Variants in FKBP5 observed in about 807,000 individuals in gnomAD.
FKBP5 encodes peptidyl-prolyl cis-trans isomerase FKBP5.
In FKBP5, 23 loss-of-function variants were observed where a neutral mutation model predicts 50.5. That is an observed-to-expected ratio of 0.46 (90% CI 0.33 to 0.65). The LOEUF is 0.65. FKBP5 is among the 30% of genes least tolerant of loss of function. The pLI, the probability that FKBP5 is intolerant of heterozygous loss-of-function variation, is 0.02. For missense variants in FKBP5, 411 were observed against 553.1 expected (o/e 0.74, Z 2.58); for synonymous variants, 176 against 190.6 (o/e 0.92, Z 0.63).
chr6:35,693,372 C>T (rs1300019583), upstream of FKBP5, among the ~76,000 whole-genome samples: 1 of 151,602 alleles, frequency 6.6e-6, no homozygotes, highest in Non-Finnish European at 1.5e-5. Flanking sequence ...ACCATGTTAG[C>T]CAGGATGGTC....
intron 5 of FKBP5, among the ~76,000 whole-genome samples, chr6:35,601,845 A>G (rs751888636): frequency 7.2e-5 from 11 of 152,114 alleles, no homozygotes; most frequent in Non-Finnish European, 1.5e-4. Flanking sequence ...TTTGGTAGAG[A>G]AAGAAATAAA....
chr6:35,715,651 A>G (rs907495180), intron 2 of FKBP5, among the ~76,000 whole-genome samples: 6 of 152,208 alleles, frequency 3.9e-5, no homozygotes, highest in Non-Finnish European at 8.8e-5. Flanking sequence ...GAGGAATTCC[A>G]TGAGGCTGGA....
At chr6:35,703,495 T>C (rs1373215221) in intron 2 of FKBP5, among the ~76,000 whole-genome samples, 3 of 152,194 alleles carry the variant, frequency 2.0e-5, no homozygotes, top group Non-Finnish European at 4.4e-5. Context: ...ATTTGATCAT[T>C]ATACATTCCA....
chr6:35,649,242 C>A (rs1395044446), intron 1 of FKBP5, among the ~76,000 whole-genome samples: 1 of 126,254 alleles, frequency 7.9e-6, no homozygotes, highest in Non-Finnish European at 1.7e-5. Context: ...CAGAGCAAGA[C>A]TCTGTCTAAA....
upstream of FKBP5, among the ~76,000 whole-genome samples, chr6:35,691,647 C>A (rs898698861): frequency 1.3e-5 from 2 of 152,102 alleles, no homozygotes; most frequent in African/African-American, 4.8e-5. Flanking sequence ...CCTTGCTAGC[C>A]CCACCCACTC....
At chr6:35,704,863 C>T (rs777083875) in intron 2 of FKBP5, among the ~76,000 whole-genome samples, 8 of 151,864 alleles carry the variant, frequency 5.3e-5, no homozygotes, top group African/African-American at 7.3e-5. Context: ...TTCTGCTGGC[C>T]GGGCGCGGTG....
intron 1 of FKBP5, 23 bp downstream of exon 1, chr6:35,688,781 C>A (rs1286990183): frequency 2.0e-5 from 3 of 150,748 alleles, no homozygotes; most frequent in Non-Finnish European, 4.4e-5. Context: ...GCCGCCCCAT[C>A]TCCGTGGCCA....
At chr6:35,691,133 G>T (rs1294809044), upstream of FKBP5, among the ~76,000 whole-genome samples, 1 of 152,134 alleles carries the variant, frequency 6.6e-6, no homozygotes, top group Non-Finnish European at 1.5e-5. Context: ...TGACATACAC[G>T]TAACATGTCA....
rs1439983895 is a variant in FKBP5 at position 35,586,934 on chromosome 6, A to G, written c.840+100T>C. On this transcript the variant is annotated intron_variant, in intron 8 of 10. Transcript: ENST00000357266. ...TAAAAATTGCAGCTTATTCTTACCA[A>G]GCAGTGTTGACAAAATTCAGAGTAG... The G allele has an allele frequency of 5.1e-6, 8 of 1,582,246 alleles. No homozygotes were observed. The South Asian group carries it at 9.0e-5, about 18-fold the overall frequency.
At chr6:35,675,587 C>A (rs1364280481) in intron 1 of FKBP5, among the ~76,000 whole-genome samples, 2 of 152,128 alleles carry the variant, frequency 1.3e-5, no homozygotes, top group East Asian at 3.9e-4. Context: ...CAAGTCTATA[C>A]CATACTCTTA....
chr6:35,624,723 C>T (rs932270990), intron 3 of FKBP5, among the ~76,000 whole-genome samples: 1 of 152,146 alleles, frequency 6.6e-6, no homozygotes, highest in Non-Finnish European at 1.5e-5. Context: ...GAAAGCTCTG[C>T]TTTCTTAAAC....
At chr6:35,712,709 C>T (rs964883177) in intron 2 of FKBP5, among the ~76,000 whole-genome samples, 1 of 152,142 alleles carries the variant, frequency 6.6e-6, no homozygotes, top group African/African-American at 2.4e-5. Context: ...CCAAGCCTGG[C>T]AACATGCAGG....
At chr6:35,700,195 C>T (rs954824319) in intron 2 of FKBP5, among the ~76,000 whole-genome samples, 39 of 152,178 alleles carry the variant, frequency 2.6e-4, no homozygotes, top group Admixed American at 2.2e-3. Flanking sequence ...CAGTCTCGCT[C>T]TGTCGTCCAG....
intron 1 of FKBP5, among the ~76,000 whole-genome samples, chr6:35,725,415 G>C (rs1362423638): frequency 6.6e-6 from 1 of 152,156 alleles, no homozygotes; most frequent in Non-Finnish European, 1.5e-5. Flanking sequence ...CAAGGGGAGA[G>C]GGATCAGCCT....
chr6:35,653,129 T>C (rs1581855214), intron 1 of FKBP5, among the ~76,000 whole-genome samples: 4 of 152,232 alleles, frequency 2.6e-5, no homozygotes, highest in Non-Finnish European at 5.9e-5. Flanking sequence ...GGCGGGAGTA[T>C]TGCTTGAAAC....
intron 5 of FKBP5, among the ~76,000 whole-genome samples, chr6:35,610,567 CAAAAAAA>C (rs35101873): frequency 3.4e-5 from 2 of 58,628 alleles, no homozygotes; most frequent in African/African-American, 7.4e-5. Context: ...GACTCCGTCT[CAAAAAAA>C]AAAAAAAAAA....
At chr6:35,624,118 G>A (rs573562450) in intron 3 of FKBP5, among the ~76,000 whole-genome samples, 1 of 152,180 alleles carries the variant, frequency 6.6e-6, no homozygotes, top group East Asian at 1.9e-4. Context: ...CAGGCACCTG[G>A]CTTCAACTGA....
At chr6:35,630,582 C>T (rs569078331) in intron 3 of FKBP5, among the ~76,000 whole-genome samples, 2 of 152,180 alleles carry the variant, frequency 1.3e-5, no homozygotes, top group South Asian at 2.1e-4. Context: ...ATCAGGCACT[C>T]GATAAATACT....
chr6:35,625,304 CA>C (rs902355248), intron 3 of FKBP5, among the ~76,000 whole-genome samples: 8 of 152,060 alleles, frequency 5.3e-5, no homozygotes, highest in Non-Finnish European at 1.2e-4. Context: ...AGGCTGGTCT[CA>C]AACTCCTGAC....
Sources: gnomAD v4.1 joint callset for allele counts (sites outside exome capture counted in the v4.1 genomes callset) on GRCh38, gnomAD v4.1.1 for gene constraint, MANE v1.5 for transcripts, NCBI Gene and HGNC (gene_info 2026-07-23, HGNC 2026-07-21) for gene names.